Variants in NBEA observed in about 807,000 individuals in gnomAD.
NBEA encodes the protein neurobeachin, also known as lysosomal-trafficking regulator 2.
Under a neutral mutation model 343.4 loss-of-function variants are expected in NBEA, and 44 were observed. That is an observed-to-expected ratio of 0.13 (90% CI 0.10 to 0.16). The LOEUF (loss-of-function observed/expected upper bound fraction) is 0.16. Ranked by LOEUF, NBEA falls within the 10% of genes least tolerant of loss-of-function variation. The probability of loss-of-function intolerance (pLI) is 1.00; values close to 1 mark genes in which losing one functional copy is unlikely to be tolerated. For synonymous variants in NBEA, 1,175 were observed against 1,238.7 expected, an observed-to-expected ratio of 0.95 and a Z score of 1.08; for missense variants, 2,555 against 3,631.3, an observed-to-expected ratio of 0.70 and a Z score of 7.62.
chr13:35,644,184 A>G (rs1002943862), intron 49 of NBEA, among the ~76,000 whole-genome samples: 6 of 152,232 alleles, frequency 3.9e-5, no homozygotes, highest in Non-Finnish European at 8.8e-5. Context: ...AGAGGGAGTC[A>G]GTATAGTCTC....
intron 41 of NBEA, among the ~76,000 whole-genome samples, chr13:35,524,732 C>G (rs1170556463): frequency 6.6e-6 from 1 of 152,104 alleles, no homozygotes; most frequent in Non-Finnish European, 1.5e-5. Context: ...AATTCTATAA[C>G]TAAACTTACT....
chr13:35,507,335 T>C (rs1318093343), intron 41 of NBEA, among the ~76,000 whole-genome samples: 1 of 152,010 alleles, frequency 6.6e-6, no homozygotes, highest in Non-Finnish European at 1.5e-5. Flanking sequence ...ACAATTACTC[T>C]CCTGGTAATC....
At chr13:34,965,505 A>G (rs1270666380) in intron 1 of NBEA, among the ~76,000 whole-genome samples, 2 of 152,004 alleles carry the variant, frequency 1.3e-5, no homozygotes, top group South Asian at 2.1e-4. Context: ...TGCACAGTAG[A>G]CTGGTGGAGT....
chr13:35,251,491 G>T, intron 34 of NBEA: 1 of 1,077,408 alleles, frequency 9.3e-7, no homozygotes, highest in South Asian at 2.6e-5. Flanking sequence ...GGTGAGTGAT[G>T]ACCTTGTGGA....
intron 33 of NBEA, among the ~76,000 whole-genome samples, chr13:35,225,299 G>C (rs575563684): frequency 1.3e-5 from 2 of 152,138 alleles, no homozygotes; most frequent in African/African-American, 4.8e-5. Context: ...GACTCAGAAC[G>C]TTTCCCTTCC....
chr13:35,358,717 C>CA (rs200811266), intron 38 of NBEA, among the ~76,000 whole-genome samples: 33,782 of 144,540 alleles, frequency 0.23, 4,967 homozygotes, highest in African/African-American at 0.43. Flanking sequence ...GACTCTGTCT[C>CA]AAAAAAAAAA....
At chr13:34,971,819 C>CTT (rs527325078) in intron 1 of NBEA, among the ~76,000 whole-genome samples, 2 of 137,836 alleles carry the variant, frequency 1.5e-5, no homozygotes, top group Non-Finnish European at 3.2e-5. Context: ...TTTTTCTTTT[C>CTT]TTTTTTTTTT....
Position 35,109,312 on chromosome 13 carries a change from G to T in NBEA, c.1703G>T (p.Arg568Ile). The T allele has an allele frequency of 6.2e-7, 1 of 1,610,024 alleles. No homozygotes were observed. Among genetic ancestry groups the T allele is most frequent in the Non-Finnish European group, 8.5e-7 (1 of 1,178,134 alleles). ...TAGTCATCAAGAGTTCATATAACTA[G>T]AGCTGTCCTGGAGCAATTTTTATCT... ...LEKSSRVHIT[R>I]AVLEQFLSFA... is the part of the protein sequence containing the mutation. The change falls in exon 12 of 59, where the codon AGA (arginine) becomes ATA (isoleucine). Residue 568 changes from arginine (R) to isoleucine (I), a missense_variant. Physicochemically the swap from Arg to Ile is moderately conservative, Grantham distance 97. Coordinates refer to ENST00000379939, the MANE Select transcript of NBEA (RefSeq NM_001385012.1).
chr13:35,657,969 T>C (rs2084899013), intron 55 of NBEA, among the ~76,000 whole-genome samples: 1 of 152,142 alleles, frequency 6.6e-6, no homozygotes, highest in Non-Finnish European at 1.5e-5. Flanking sequence ...TTATCTATGT[T>C]CACTACTGTG....
intron 34 of NBEA, among the ~76,000 whole-genome samples, chr13:35,287,412 C>A (rs1206512427): frequency 1.3e-5 from 2 of 152,028 alleles, no homozygotes; most frequent in Non-Finnish European, 1.5e-5. Context: ...TTATAACTTG[C>A]TTTAAATTAT....
chr13:35,474,837 C>CT (rs2075791735), intron 41 of NBEA: 1 of 552,880 alleles, frequency 1.8e-6, no homozygotes, highest in African/African-American at 1.9e-5. Context: ...GGAAAGAAGT[C>CT]TTCTAATACT....
intron 36 of NBEA, among the ~76,000 whole-genome samples, chr13:35,345,588 T>C (rs1330422838): frequency 6.6e-6 from 1 of 152,048 alleles, no homozygotes; most frequent in African/African-American, 2.4e-5. Flanking sequence ...TCCTTAGCAG[T>C]CTAGATGTAA....
chr13:35,308,524 ATATATATGTATATATGTATATATATG>A (rs1370386416), intron 35 of NBEA, among the ~76,000 whole-genome samples: 20 of 117,564 alleles, frequency 1.7e-4, no homozygotes, highest in African/African-American at 4.2e-4. Flanking sequence ...GTATATATGT[ATATATATGTATATATGTATATATATG>A]TATATATGTA....
At chr13:35,316,571 G>A (rs996178457) in intron 36 of NBEA, among the ~76,000 whole-genome samples, 1 of 152,172 alleles carries the variant, frequency 6.6e-6, no homozygotes, top group African/African-American at 2.4e-5. Context: ...GTAAACATAT[G>A]TGTGCATGTG....
intron 17 of NBEA, among the ~76,000 whole-genome samples, chr13:35,136,455 T>C (rs960244802): frequency 4.6e-5 from 7 of 152,190 alleles, no homozygotes; most frequent in African/African-American, 1.7e-4. Flanking sequence ...CAATTTCCTT[T>C]TGGAAATGAG....
At chr13:35,418,874 A>G (rs1298632270) in intron 38 of NBEA, among the ~76,000 whole-genome samples, 4 of 152,028 alleles carry the variant, frequency 2.6e-5, no homozygotes, top group Non-Finnish European at 5.9e-5. Flanking sequence ...TATTCCTTAT[A>G]TGAAACGCTT....
chr13:34,967,014 G>A (rs1388288864), intron 1 of NBEA, among the ~76,000 whole-genome samples: 4 of 147,434 alleles, frequency 2.7e-5, no homozygotes, highest in East Asian at 2.0e-4. Flanking sequence ...GCAGAATGTC[G>A]ATTCATATTT....
At chr13:35,655,850 T>C in intron 55 of NBEA, 101 bp downstream of exon 55, 1 of 1,185,434 alleles carries the variant, frequency 8.4e-7, no homozygotes, top group Middle Eastern at 2.9e-4. Flanking sequence ...GTGTAAGGAT[T>C]TTAAAATATG....
intron 38 of NBEA, among the ~76,000 whole-genome samples, chr13:35,410,973 G>A (rs118018868): frequency 0.03 from 4,507 of 152,194 alleles, 103 homozygotes; most frequent in Non-Finnish European, 0.045. Context: ...AGATATTATC[G>A]TTCTTTGGTT....
Sources: allele counts gnomAD v4.1 joint callset (sites outside exome capture counted in the v4.1 genomes callset), GRCh38; gene constraint gnomAD v4.1.1; transcripts MANE v1.5; gene names NCBI Gene and HGNC (gene_info 2026-07-23, HGNC 2026-07-21).